Variants in TAFA5 observed in about 807,000 individuals in gnomAD.
The protein encoded by TAFA5 is chemokine-like protein TAFA-5.
TAFA5 carries 6 observed loss-of-function variants against 15.3 expected under a neutral mutation model. That is an observed-to-expected ratio of 0.39 (90% CI 0.21 to 0.77). TAFA5 has a LOEUF of 0.77. Ranked by LOEUF, TAFA5 falls within the 30% of genes least tolerant of loss-of-function variation. TAFA5 has a pLI of 0.41. For synonymous variants in TAFA5, 103 were observed against 80.7 expected (o/e 1.28, Z -1.48); for missense variants, 161 against 193.1 (o/e 0.83, Z 0.98).
At chr22:48,540,903 C>G (rs1922346831) in intron 1 of TAFA5, among the ~76,000 whole-genome samples, 1 of 149,702 alleles carries the variant, frequency 6.7e-6, no homozygotes, top group Admixed American at 6.7e-5. Flanking sequence ...ATACAAACAG[C>G]AGCCATTTAT....
intron 1 of TAFA5, among the ~76,000 whole-genome samples, chr22:48,635,574 C>T (rs1354825011): frequency 6.6e-6 from 1 of 152,240 alleles, no homozygotes; most frequent in Non-Finnish European, 1.5e-5. Context: ...GTCTGGAGCC[C>T]TCCATCCCAG....
rs1337508061 is a variant in TAFA5 at position 48,530,835 on chromosome 22, C to G, written c.112+41131C>G. 6.6e-6 allele frequency among the ~76,000 whole-genome samples: 1 copy of G among 152,142 alleles called. No homozygotes were observed. The highest frequency in any genetic ancestry group is 2.4e-5 in the African/African-American group (1 of 41,432). On this transcript the variant is annotated intron_variant, in intron 1 of 3. Coordinates refer to ENST00000402357, the MANE Select transcript of TAFA5 (RefSeq NM_001082967.3). The surrounding 1 kb of genome is among the most constrained non-coding windows in gnomAD (Gnocchi z 6.0). ...GGAGAGGCGACCCCAGTGCGTGTGGCTATGGGCTTCGACAAAGCAGGGGAG... is the reference window on the plus strand; with the variant it reads ...GGAGAGGCGACCCCAGTGCGTGTGGGTATGGGCTTCGACAAAGCAGGGGAG...
chr22:48,628,095 G>A (rs749649746), intron 1 of TAFA5, among the ~76,000 whole-genome samples: 32 of 151,584 alleles, frequency 2.1e-4, no homozygotes, highest in Non-Finnish European at 4.0e-4. Context: ...TGACTCTGCC[G>A]GCTCTGTGAG....
At chr22:48,694,496 G>A (rs733571) in intron 2 of TAFA5, among the ~76,000 whole-genome samples, 31,045 of 152,016 alleles carry the variant, frequency 0.2, 3,864 homozygotes, top group South Asian at 0.35. Context: ...CCAGAAACAC[G>A]GGCGCTTCCC....
chr22:48,683,386 C>T (rs1301299662), intron 2 of TAFA5, among the ~76,000 whole-genome samples: 1 of 152,240 alleles, frequency 6.6e-6, no homozygotes, highest in African/African-American at 2.4e-5. Flanking sequence ...GCACTGTGCC[C>T]TTTCATCAGC....
intron 1 of TAFA5, among the ~76,000 whole-genome samples, chr22:48,615,441 G>A (rs1215656433): frequency 3.3e-5 from 5 of 152,218 alleles, no homozygotes; most frequent in South Asian, 2.1e-4. Flanking sequence ...CGCTCTGTCC[G>A]TGTTCCTCTC....
At chr22:48,536,269 G>A (rs1006847887) in intron 1 of TAFA5, among the ~76,000 whole-genome samples, 2 of 152,218 alleles carry the variant, frequency 1.3e-5, no homozygotes, top group Non-Finnish European at 1.5e-5. Flanking sequence ...CAGCAGTCCC[G>A]GGTTTTTGTG....
intron 2 of TAFA5, among the ~76,000 whole-genome samples, chr22:48,649,210 G>A (rs1225251933): frequency 6.6e-6 from 1 of 152,232 alleles, no homozygotes; most frequent in Non-Finnish European, 1.5e-5. Context: ...CCTGGGGGTT[G>A]CGTGCACTGC....
Position 48,552,222 on chromosome 22 carries a change from A to T in TAFA5, c.112+62518A>T, listed in dbSNP as rs1922881341. Among the ~76,000 whole-genome samples, 1 of 152,074 alleles carries T rather than the reference A, an allele frequency of 6.6e-6. No homozygotes were observed. Among genetic ancestry groups the T allele is most frequent in the African/African-American group, 2.4e-5 (1 of 41,414 alleles). ...GCTCTTCTGCTGTGGAGAAGGGTCC[A>T]CACTTGCCTCCTGTGGGCCAGCTGC... On this transcript the variant is annotated intron_variant, in intron 1 of 3. Transcript: ENST00000402357. This position sits in a 1 kb window ranked among gnomAD's most constrained non-coding sequence, Gnocchi z 4.1.
At chr22:48,602,205 G>A (rs534624929) in intron 1 of TAFA5, among the ~76,000 whole-genome samples, 5 of 152,246 alleles carry the variant, frequency 3.3e-5, no homozygotes, top group South Asian at 4.1e-4. Context: ...TTGAATTTGC[G>A]CCTCATCCTC....
chr22:48,562,066 A>G (rs945261033), intron 1 of TAFA5, among the ~76,000 whole-genome samples: 1 of 152,152 alleles, frequency 6.6e-6, no homozygotes, highest in Non-Finnish European at 1.5e-5. Context: ...GGCGCAGGGT[A>G]AGCACTGATT....
intron 2 of TAFA5, among the ~76,000 whole-genome samples, chr22:48,659,423 C>T (rs1241990633): frequency 1.3e-5 from 2 of 152,236 alleles, no homozygotes; most frequent in African/African-American, 4.8e-5. Context: ...GTCACATTCT[C>T]CTCAGGGGGT....
chr22:48,558,978 C>A (rs1190028664), intron 1 of TAFA5, among the ~76,000 whole-genome samples: 1 of 152,222 alleles, frequency 6.6e-6, no homozygotes, highest in East Asian at 1.9e-4. Context: ...GGCCTAGGCC[C>A]AGGGCGATGG....
In TAFA5 at chr22:48,552,286, C is replaced by A. The variant is rs932896992; in HGVS notation, c.112+62582C>A. ...TGTCCTGGTGCCTGGCTGCTGTCAC[C>A]CAGGAGTTGGGCTCTGGGCAGGGAG... On this transcript the variant is annotated intron_variant, in intron 1 of 3. Coordinates refer to ENST00000402357, the MANE Select transcript of TAFA5 (RefSeq NM_001082967.3). This position sits in a 1 kb window ranked among gnomAD's most constrained non-coding sequence, Gnocchi z 4.1. Among the ~76,000 whole-genome samples, 2 of 152,156 alleles carry A rather than the reference C, an allele frequency of 1.3e-5. No individual in the cohort carries two copies. Among genetic ancestry groups the A allele is most frequent in the African/African-American group, 4.8e-5 (2 of 41,446 alleles).
chr22:48,657,624 T>G (rs4925397), intron 2 of TAFA5, among the ~76,000 whole-genome samples: 107,967 of 152,134 alleles, frequency 0.71, 38,703 homozygotes, highest in South Asian at 0.85. Flanking sequence ...GTTTCGTGCA[T>G]TCCCACAGTA....
intron 1 of TAFA5, among the ~76,000 whole-genome samples, chr22:48,558,160 C>G (rs1458248157): frequency 6.6e-6 from 1 of 152,194 alleles, no homozygotes; most frequent in Non-Finnish European, 1.5e-5. Flanking sequence ...CATTCTTATT[C>G]AGTGCCACCG....
intron 1 of TAFA5, among the ~76,000 whole-genome samples, chr22:48,614,774 C>T (rs1434426434): frequency 6.6e-6 from 1 of 152,230 alleles, no homozygotes; most frequent in Non-Finnish European, 1.5e-5. Flanking sequence ...GCTTCGTTCA[C>T]ACCTTCTGTG....
At chr22:48,733,646 A>G (rs1048899248) in intron 3 of TAFA5, among the ~76,000 whole-genome samples, 7 of 152,208 alleles carry the variant, frequency 4.6e-5, no homozygotes, top group African/African-American at 1.4e-4. Context: ...TGGACCGAGT[A>G]TGAGTATAGA....
chr22:48,568,780 C>A (rs1260485812), intron 1 of TAFA5, among the ~76,000 whole-genome samples: 5 of 152,178 alleles, frequency 3.3e-5, no homozygotes, highest in Non-Finnish European at 5.9e-5. Flanking sequence ...CCATGCTGCC[C>A]CATGAGCCTG....
Sources: allele counts gnomAD v4.1 joint callset (sites outside exome capture counted in the v4.1 genomes callset), GRCh38; gene constraint gnomAD v4.1.1; non-coding constraint Gnocchi (gnomAD v3.1); transcripts MANE v1.5; gene names NCBI Gene and HGNC (gene_info 2026-07-23, HGNC 2026-07-21).